Variants in KLF8 observed in about 807,000 individuals in gnomAD.
The protein encoded by KLF8 is KLF transcription factor 8.
KLF8 carries 10 observed loss-of-function variants against 18.2 expected under a neutral mutation model. The observed-to-expected ratio is 0.55, with a 90% CI of 0.34 to 0.93. The LOEUF is 0.93. Ranked by LOEUF, KLF8 falls within the 40% of genes least tolerant of loss-of-function variation. KLF8 has a pLI of 0.02. For synonymous variants in KLF8, 109 were observed against 97.3 expected (o/e 1.12, Z -0.71); for missense variants, 264 against 277.9 (o/e 0.95, Z 0.36).
chrX:55,962,104 G>T, the KLF8 span: 1 of 148,096 alleles, frequency 6.8e-6, no homozygotes, highest in Non-Finnish European at 1.3e-5. Context: ...AAAATGTAGA[G>T]TCAGCAGTTG....
the KLF8 span, among the ~76,000 whole-genome samples, chrX:56,092,304 C>A: frequency 2.7e-5 from 3 of 111,838 alleles, no homozygotes; most frequent in Non-Finnish European, 5.6e-5. Context: ...TTTTGCAGTG[C>A]AGAAACTTTT....
the KLF8 span, among the ~76,000 whole-genome samples, chrX:56,183,377 C>T: frequency 1.8e-5 from 2 of 112,051 alleles, no homozygotes; most frequent in Admixed American, 1.9e-4. Context: ...TCGCGGCTCC[C>T]CTTGGCTAGG....
chrX:56,051,073 A>G, the KLF8 span, among the ~76,000 whole-genome samples: 2 of 110,054 alleles, frequency 1.8e-5, no homozygotes, highest in Middle Eastern at 4.7e-3. Context: ...CTGTTTTATC[A>G]GAGACTAGGA....
chrX:55,928,630 C>A, the KLF8 span, among the ~76,000 whole-genome samples: 1 of 111,317 alleles, frequency 9.0e-6, no homozygotes, highest in Admixed American at 9.6e-5. Context: ...TTTTGGTTTT[C>A]TGTTCCTGTT....
the KLF8 span, among the ~76,000 whole-genome samples, chrX:56,142,954 T>C: frequency 6.2e-5 from 7 of 112,070 alleles, no homozygotes; most frequent in African/African-American, 2.3e-4. Flanking sequence ...TTTTTGCTTG[T>C]CCCTGGCCTA....
the KLF8 span, among the ~76,000 whole-genome samples, chrX:56,061,986 C>CTT: frequency 8.8e-3 from 504 of 56,997 alleles, 46 homozygotes; most frequent in African/African-American, 0.062. Flanking sequence ...GCAACCCCTG[C>CTT]TTTTTTTTTT....
chrX:55,937,223 C>T, the KLF8 span, among the ~76,000 whole-genome samples: 6 of 111,333 alleles, frequency 5.4e-5, no homozygotes, highest in African/African-American at 6.5e-5. Flanking sequence ...CACCAATATC[C>T]GCTGTTCTGC....
the KLF8 span, among the ~76,000 whole-genome samples, chrX:56,108,483 T>G: frequency 2.7e-5 from 3 of 112,186 alleles, no homozygotes; most frequent in African/African-American, 9.7e-5. Context: ...TTCATATGTA[T>G]GTGTATATAT....
chrX:56,165,077 T>C, the KLF8 span, among the ~76,000 whole-genome samples: 3 of 107,756 alleles, frequency 2.8e-5, no homozygotes, highest in Admixed American at 2.0e-4. Context: ...ACAAAGAACA[T>C]GAACTCATCA....
the KLF8 span, among the ~76,000 whole-genome samples, chrX:56,222,935 C>T: frequency 3.6e-3 from 405 of 112,955 alleles, no homozygotes; most frequent in African/African-American, 0.012. Context: ...GTGCCTCTCC[C>T]TCCACACCTC....
the KLF8 span, among the ~76,000 whole-genome samples, chrX:56,003,451 A>T: frequency 8.4e-5 from 9 of 106,585 alleles, no homozygotes; most frequent in African/African-American, 2.8e-4. Flanking sequence ...AATAAATAAA[A>T]GTCTGAACTT....
the KLF8 span, among the ~76,000 whole-genome samples, chrX:56,094,424 C>T: frequency 7.2e-5 from 8 of 110,815 alleles, no homozygotes; most frequent in Non-Finnish European, 1.5e-4. Flanking sequence ...AATATATTAA[C>T]GTGTATGTAC....
chrX:56,111,723 T>C, the KLF8 span, among the ~76,000 whole-genome samples: 1 of 111,183 alleles, frequency 9.0e-6, no homozygotes, highest in African/African-American at 3.3e-5. Context: ...AACAAACATA[T>C]GAAAAAAAAG....
chrX:56,218,456 G>T, the KLF8 span, among the ~76,000 whole-genome samples: 1 of 111,654 alleles, frequency 9.0e-6, no homozygotes, highest in Non-Finnish European at 1.9e-5. Flanking sequence ...TACAAAACTG[G>T]CAATAAACAT....
chrX:56,250,319 A>G lies in KLF8; in HGVS notation c.81+15A>G, dbSNP rs1259829839. The G allele has an allele frequency of 8.8e-7, 1 of 1,138,591 alleles. No individual in the cohort carries two copies. The highest frequency in any genetic ancestry group is 1.2e-6 in the Non-Finnish European group (1 of 830,278). 93.8% of individuals were successfully genotyped at this position (1,138,591 alleles called of 1,213,427 possible). ...TATTCAAGCAGGTCAGTTATCAGGAAAATAGGGTGCTAATATTGGGCCATA... is the reference window on the plus strand; with the variant it reads ...TATTCAAGCAGGTCAGTTATCAGGAGAATAGGGTGCTAATATTGGGCCATA... On this transcript the variant is annotated intron_variant, in intron 2 of 5. Transcript: ENST00000468660.
chrX:56,033,331 C>T, the KLF8 span, among the ~76,000 whole-genome samples: 751 of 111,623 alleles, frequency 6.7e-3, 7 homozygotes, highest in African/African-American at 0.023. Flanking sequence ...GTTTTATCCA[C>T]GGTGTCGCAA....
At chrX:56,070,683 C>A in the KLF8 span, among the ~76,000 whole-genome samples, 1 of 111,124 alleles carries the variant, frequency 9.0e-6, no homozygotes, top group East Asian at 2.8e-4. Context: ...GGGGAAGAAA[C>A]TTTGAGGACA....
intron 1 of KLF8, among the ~76,000 whole-genome samples, chrX:56,246,202 T>G (rs2066620697): frequency 8.9e-6 from 1 of 111,830 alleles, no homozygotes; most frequent in Non-Finnish European, 1.9e-5. Flanking sequence ...GCTCCTTGAT[T>G]GTTGCTATTA....
At chrX:56,110,381 A>G in the KLF8 span, among the ~76,000 whole-genome samples, 4 of 111,909 alleles carry the variant, frequency 3.6e-5, no homozygotes, top group Non-Finnish European at 7.5e-5. Flanking sequence ...TCTATTGCGA[A>G]TATCATATAG....
Sources: gnomAD v4.1 joint callset for allele counts (sites outside exome capture counted in the v4.1 genomes callset) on GRCh38, gnomAD v4.1.1 for gene constraint, MANE v1.5 for transcripts, NCBI Gene and HGNC (gene_info 2026-07-23, HGNC 2026-07-21) for gene names.